Variants in SYNE1 observed in about 807,000 individuals in gnomAD.
SYNE1 encodes nesprin-1.
Under a neutral mutation model 1,111.0 loss-of-function variants are expected in SYNE1, and 616 were observed. That is an observed-to-expected ratio of 0.55 (90% confidence interval 0.52 to 0.59). The LOEUF (loss-of-function observed/expected upper bound fraction) is 0.59, where lower values mean the gene tolerates loss of function less well. SYNE1 is among the 20% of genes least tolerant of loss of function. The pLI is 0.00. For synonymous variants in SYNE1, 3,855 were observed against 3,825.8 expected (o/e 1.01, Z -0.28); for missense variants, 10,006 against 10,417.0 (o/e 0.96, Z 1.72).
At chr6:152,547,781 T>C (rs76465413) in intron 3 of SYNE1, among the ~76,000 whole-genome samples, 4,598 of 152,258 alleles carry the variant, frequency 0.03, 254 homozygotes, top group African/African-American at 0.1. Context: ...TCATTCTGTA[T>C]CTCACTTATT....
intron 29 of SYNE1, among the ~76,000 whole-genome samples, chr6:152,445,734 C>G (rs2098580262): frequency 1.3e-5 from 2 of 151,832 alleles, no homozygotes; most frequent in Non-Finnish European, 2.9e-5. Context: ...TTTTCTTACA[C>G]TGGACAATTG....
At chr6:152,529,429 T>A (rs554334291) in intron 4 of SYNE1, among the ~76,000 whole-genome samples, 1 of 152,266 alleles carries the variant, frequency 6.6e-6, no homozygotes, top group South Asian at 2.1e-4. Flanking sequence ...GATTACATTG[T>A]CCCATGGCAG....
At chr6:152,224,064 G>A (rs1046306084) in intron 117 of SYNE1, among the ~76,000 whole-genome samples, 2 of 152,206 alleles carry the variant, frequency 1.3e-5, no homozygotes, top group Non-Finnish European at 2.9e-5. Flanking sequence ...ATATTTTACT[G>A]AATGGAAGCA....
chr6:152,470,665 G>T (rs1001178318), intron 16 of SYNE1, among the ~76,000 whole-genome samples: 2 of 152,238 alleles, frequency 1.3e-5, no homozygotes, highest in Middle Eastern at 6.8e-3. Flanking sequence ...AGATGCTTCA[G>T]TGAAAATATG....
intron 95 of SYNE1, among the ~76,000 whole-genome samples, chr6:152,289,925 C>CTTTTT (rs71017532): frequency 4.6e-5 from 6 of 130,000 alleles, no homozygotes; most frequent in Non-Finnish European, 6.5e-5. Context: ...CGCGCCCAGC[C>CTTTTT]TTTTTTTTTT....
intron 3 of SYNE1, among the ~76,000 whole-genome samples, chr6:152,608,152 A>C (rs1414768155): frequency 1.3e-5 from 1 of 74,220 alleles, no homozygotes; most frequent in Non-Finnish European, 3.1e-5. Context: ...CTGGAACTTA[A>C]AATAAATAAA....
rs1590008477 is a variant in SYNE1 at position 152,321,182 on chromosome 6, G to A, written c.16236+56C>T. The A allele has an allele frequency of 6.3e-6, 10 of 1,598,576 alleles. No homozygotes were observed. In the East Asian group the frequency reaches 1.1e-4, roughly 18 times the overall value. On this transcript the variant is annotated intron_variant, in intron 84 of 145. Transcript: ENST00000367255. ...GTGAAAATCAAGAACTCTCACACAA[G>A]AGGACTGACCCTATAAACAAAATGG... is the stretch of plus-strand genomic sequence containing the variant.
At position 152,590,375 on chromosome 6, in the gene SYNE1, C is replaced by T. The variant is rs549843456; in HGVS notation, c.67+37890G>A. ...TATGAGAGAAAATCCATTTTTTTTTCTGGAATATTCCACATAGGTCATAGC... is the reference window on the plus strand; with the variant it reads ...TATGAGAGAAAATCCATTTTTTTTTTTGGAATATTCCACATAGGTCATAGC... On this transcript the variant is annotated intron_variant, in intron 3 of 145. Coordinates refer to ENST00000367255, the MANE Select transcript of SYNE1 (RefSeq NM_182961.4). Among the ~76,000 whole-genome samples, 335 of 149,688 alleles carry T rather than the reference C, an allele frequency of 2.2e-3. 2 individuals carry two copies. Among genetic ancestry groups the T allele is most frequent in the African/African-American group, 8.0e-3 (322 of 40,354 alleles).
chr6:152,632,342 C>T (rs1352150721), intron 2 of SYNE1, among the ~76,000 whole-genome samples: 1 of 152,188 alleles, frequency 6.6e-6, no homozygotes, highest in Non-Finnish European at 1.5e-5. Flanking sequence ...CTTCCTTTTT[C>T]AGACATTAAA....
intron 122 of SYNE1, 141 bp downstream of exon 122, chr6:152,214,765 C>A (rs752888499): frequency 2.6e-6 from 3 of 1,148,108 alleles, no homozygotes; most frequent in East Asian, 4.9e-5. Flanking sequence ...ACCTTGACTG[C>A]GGACTTCCCA....
chr6:152,271,143 C>T (rs2093172512), intron 98 of SYNE1, among the ~76,000 whole-genome samples: 1 of 152,104 alleles, frequency 6.6e-6, no homozygotes, highest in Admixed American at 6.6e-5. Flanking sequence ...AACCTAACTG[C>T]CCACAGAGAC....
chr6:152,480,685 T>C (rs142451860), intron 14 of SYNE1: 22 of 447,734 alleles, frequency 4.9e-5, no homozygotes, highest in South Asian at 3.2e-4. Context: ...AGTTCCTACC[T>C]CAATGAAAAG....
Position 152,336,989 on chromosome 6 carries a change from T to C in SYNE1, c.12380A>G (p.Asn4127Ser). Residue 4127 changes from asparagine (N) to serine (S), a missense_variant, in exon 76 of 146, where the codon AAC (asparagine) becomes AGC (serine). By Grantham distance (46) the Asn-to-Ser change is conservative. Transcript: ENST00000367255. Reference protein sequence around the residue: ...TIEQKLVQAQNLTQGWEEIKH... With the variant: ...TIEQKLVQAQSLTQGWEEIKH... ...GATCTCTTCCCAGCCCTGAGTTAAG[T>C]TCTGGGCCTGGACAAGCTTTTGTTC... The C allele has an allele frequency of 6.2e-7, 1 of 1,613,992 alleles. No homozygotes were observed. The highest frequency in any genetic ancestry group is 1.7e-5 in the Admixed American group (1 of 60,012).
chr6:152,130,767 C>T lies in SYNE1; in HGVS notation c.26106G>A (p.Lys8702=), dbSNP rs765865910. Residue 8702 remains lysine, a synonymous_variant, in exon 145 of 146, where the codon AAG becomes AAA. Coordinates refer to ENST00000367255, the MANE Select transcript of SYNE1 (RefSeq NM_182961.4). The part of the protein sequence containing the change: ...TPNRQKTPRG[K]CSLSQPGPSV... ...AGGGTCCAGGCTGTGAGAGACTACA[C>T]TTGCCTCGTGGCTGTTTGCAATGAA... The T allele has an allele frequency of 5.0e-6, 8 of 1,614,080 alleles. No homozygotes were observed. The highest frequency in any genetic ancestry group is 1.1e-5 in the South Asian group (1 of 91,068).
At position 152,154,924 on chromosome 6, in the gene SYNE1, T is replaced by C. The variant is rs2061108490; in HGVS notation, c.24097A>G (p.Thr8033Ala). Residue 8033 changes from threonine (T) to alanine (A), a missense_variant, in exon 133 of 146, where the codon ACA becomes GCA. Transcript: ENST00000367255. ...AFPSSSGVIY[T>A]VAKEELKKFE... The stretch of plus-strand genomic sequence containing the variant: ...TTCTTTAGTTCTTCCTTGGCAACTG[T>C]ATAGATCACCCCAGAAGAGCTGGGA... 2 of 1,614,182 alleles carry C rather than the reference T, an allele frequency of 1.2e-6. No individual in the cohort carries two copies. Among genetic ancestry groups the C allele is most frequent in the Non-Finnish European group, 1.7e-6 (2 of 1,180,034 alleles).
At chr6:152,206,005 T>G (rs964826172) in intron 126 of SYNE1, among the ~76,000 whole-genome samples, 163 bp downstream of exon 126, 5 of 152,282 alleles carry the variant, frequency 3.3e-5, no homozygotes, top group Admixed American at 3.3e-4. Context: ...TTTTCCAGTT[T>G]GTGCAAGATA....
rs2093760381 is a variant in SYNE1, at chr6:152,277,911, A to G, written c.18573+178T>C. ...TAGTCCTAACAAAATCTATTTGCAA[A>G]TGTTTGCCAAAGTCCAAGAGTGTAA... On this transcript the variant is annotated intron_variant, in intron 98 of 145. Transcript: ENST00000367255. The G allele has an allele frequency of 1.6e-5, 12 of 763,668 alleles. No homozygotes were observed. The Admixed American group carries it at 1.9e-4, about 12-fold the overall frequency. 47.3% of individuals were successfully genotyped at this position (763,668 alleles called of 1,614,324 possible). A position where few individuals can be genotyped will look rare whatever the true frequency, so the allele number is the denominator to read the frequency against.
At chr6:152,534,389 C>T (rs2099223434) in intron 4 of SYNE1, among the ~76,000 whole-genome samples, 1 of 151,932 alleles carries the variant, frequency 6.6e-6, no homozygotes, top group South Asian at 2.1e-4. Context: ...TCCTTTATAA[C>T]ATTTTAATTA....
Position 152,371,920 on chromosome 6 carries a change from AAGGACAGGAC to A in SYNE1, c.9507+1107_9507+1116del, listed in dbSNP as rs773724652. Reference sequence around the variant, plus strand: ...AAGGAAAGGAAAGGAAAGGAAAGGAAAGGACAGGACAGGACAGGAAAGGAAAGGAAAGGAA... The same window carrying A: ...AAGGAAAGGAAAGGAAAGGAAAGGAAAGGACAGGAAAGGAAAGGAAAGGAA... On this transcript the variant is annotated intron_variant, in intron 59 of 145. Coordinates refer to ENST00000367255, the MANE Select transcript of SYNE1 (RefSeq NM_182961.4). Among the ~76,000 whole-genome samples the A allele has an allele frequency of 7.1e-3, 350 of 48,958 alleles. 37 individuals are homozygous for A. Among genetic ancestry groups the A allele is most frequent in the African/African-American group, 0.019 (272 of 14,150 alleles). 32.1% of individuals were successfully genotyped at this position (48,958 alleles called of 152,430 possible).
Sources: allele counts gnomAD v4.1 joint callset (sites outside exome capture counted in the v4.1 genomes callset), GRCh38; gene constraint gnomAD v4.1.1; transcripts MANE v1.5; gene names NCBI Gene and HGNC (gene_info 2026-07-23, HGNC 2026-07-21).